Variants in RIN2 observed in about 807,000 individuals in gnomAD.
RIN2 encodes the protein Ras and Rab interactor 2.
RIN2 carries 36 observed loss-of-function variants against 78.0 expected under a neutral mutation model. The ratio of observed to expected loss-of-function variants is 0.46; its 90% CI spans 0.35 to 0.61. The LOEUF (loss-of-function observed/expected upper bound fraction) is 0.61. Among genes scored for constraint, RIN2 ranks in the 20% least tolerant of loss-of-function variants. The probability of loss-of-function intolerance (pLI) is 0.00; values close to 1 mark genes in which losing one functional copy is unlikely to be tolerated. For missense variants in RIN2, 1,087 were observed against 1,159.7 expected (o/e 0.94, Z 0.91); for synonymous variants, 466 against 466.8 (o/e 1.00, Z 0.02).
At chr20:19,896,006 G>A (rs1180125786) in intron 3 of RIN2, 1 of 152,088 alleles carries the variant, frequency 6.6e-6, no homozygotes, top group Non-Finnish European at 1.5e-5. Context: ...GCACATCTCA[G>A]GCCTCAGGGA....
At chr20:19,803,858 C>T (rs2035322941) in intron 2 of RIN2, among the ~76,000 whole-genome samples, 1 of 152,176 alleles carries the variant, frequency 6.6e-6, no homozygotes, top group Non-Finnish European at 1.5e-5. Context: ...TTGTTTGAGT[C>T]ATCTCTGATT....
At chr20:19,930,481 T>C (rs976025158) in intron 3 of RIN2, among the ~76,000 whole-genome samples, 12 of 152,178 alleles carry the variant, frequency 7.9e-5, no homozygotes, top group Non-Finnish European at 1.5e-4. Flanking sequence ...CCCATTCTGA[T>C]GAGAATCAAG....
intron 5 of RIN2, among the ~76,000 whole-genome samples, chr20:19,959,956 CT>C (rs2041683852): frequency 6.6e-6 from 1 of 152,172 alleles, no homozygotes; most frequent in African/African-American, 2.4e-5. Flanking sequence ...AGGAATTGAA[CT>C]GTTTTAAAGC....
At chr20:19,871,951 A>G (rs2037703198) in intron 2 of RIN2, 1 of 152,140 alleles carries the variant, frequency 6.6e-6, no homozygotes, top group South Asian at 2.1e-4. Context: ...GCTCAGGGAA[A>G]AGCCCATGAA....
In RIN2 at chr20:19,974,965, C is replaced by A; in HGVS notation, c.940C>A (p.Pro314Thr). 1.2e-6 allele frequency: 2 copies of A among 1,612,964 alleles called. No homozygotes were observed. The highest frequency in any genetic ancestry group is 1.7e-6 in the Non-Finnish European group (2 of 1,179,670). The change falls in exon 9 of 13, where the codon CCC becomes ACC. Residue 314 changes from proline (P) to threonine (T), a missense_variant. Pro to Thr is a conservative substitution (Grantham distance 38). Transcript: ENST00000255006. ...TRSPPPRPPP[P>T]AINSLHTSPR... ...GTCCCCCCCACCCAGGCCCCCGCCA[C>A]CCGCTATTAATAGTCTCCACACAAG...
intron 11 of RIN2, among the ~76,000 whole-genome samples, chr20:19,993,456 A>G (rs2042859150): frequency 6.6e-6 from 1 of 151,760 alleles, no homozygotes; most frequent in African/African-American, 2.4e-5. Flanking sequence ...CCAGGCCTTA[A>G]CTTTTCCTGT....
chr20:19,780,854 A>C (rs752405644), intron 1 of RIN2, among the ~76,000 whole-genome samples: 1 of 152,234 alleles, frequency 6.6e-6, no homozygotes, highest in Non-Finnish European at 1.5e-5. Flanking sequence ...TTTAACTGGC[A>C]TGGGGTGTGC....
At chr20:19,796,849 C>G (rs1016004599) in intron 1 of RIN2, among the ~76,000 whole-genome samples, 4 of 152,152 alleles carry the variant, frequency 2.6e-5, no homozygotes, top group Non-Finnish European at 5.9e-5. Flanking sequence ...ATTTAATTTG[C>G]CTTGGGGCCA....
rs1474005589 is a variant in RIN2 at position 19,895,804 on chromosome 20, G to A, written c.57+6146G>A. On this transcript the variant is annotated intron_variant, in intron 3 of 12. Transcript: ENST00000255006. ...CTGACACCACAAAGACTAGACCTGC[G>A]ACTAGCTTTGAAGAAACTACATTGC... 8 of 152,208 alleles carry A rather than the reference G, an allele frequency of 5.3e-5. No homozygotes were observed. In the East Asian group the frequency reaches 7.7e-4, roughly 15 times the overall value. The allele number at this position is 152,208 out of a possible 1,614,324, so 9.4% of individuals were successfully genotyped here. A position where few individuals can be genotyped will look rare whatever the true frequency, so the allele number is the denominator to read the frequency against.
chr20:19,800,472 A>G (rs2035205818), intron 2 of RIN2, among the ~76,000 whole-genome samples: 1 of 152,220 alleles, frequency 6.6e-6, no homozygotes, highest in Admixed American at 6.5e-5. Context: ...ATGTCGAGTG[A>G]CATCAAAGTC....
chr20:19,841,540 A>T (rs527457824), intron 2 of RIN2, among the ~76,000 whole-genome samples: 12 of 152,260 alleles, frequency 7.9e-5, no homozygotes, highest in Admixed American at 5.2e-4. Context: ...TTGGGGGATG[A>T]TCCAGGCATC....
chr20:19,970,410 C>G (rs747032931), intron 7 of RIN2, among the ~76,000 whole-genome samples: 12 of 152,236 alleles, frequency 7.9e-5, no homozygotes, highest in Non-Finnish European at 1.0e-4. Context: ...GTGTGCAAGG[C>G]AATGGGCTAA....
At chr20:19,940,230 G>T (rs1344720481) in intron 4 of RIN2, among the ~76,000 whole-genome samples, 2 of 152,170 alleles carry the variant, frequency 1.3e-5, no homozygotes, top group Non-Finnish European at 2.9e-5. Flanking sequence ...TTCACCCTGG[G>T]ATTGCAGTGC....
intron 2 of RIN2, among the ~76,000 whole-genome samples, chr20:19,862,187 T>C (rs898412699): frequency 2.0e-5 from 3 of 152,218 alleles, no homozygotes; most frequent in Non-Finnish European, 4.4e-5. Flanking sequence ...ATATGATACA[T>C]AAACAGTTAT....
intron 4 of RIN2, among the ~76,000 whole-genome samples, chr20:19,952,809 A>T (rs912934152): frequency 3.3e-5 from 5 of 152,230 alleles, no homozygotes; most frequent in African/African-American, 1.2e-4. Context: ...GTCGCCAAGA[A>T]TTCTTTTAGT....
rs199574 is a variant in RIN2, at chr20:19,972,465, G to A, written c.628+1536G>A. On this transcript the variant is annotated intron_variant, in intron 8 of 12. Transcript: ENST00000255006. ...GTGGCTACTAACCAGAAGCGACTGA[G>A]GGCTAATTAACATATATTCGACTTG... Among the ~76,000 whole-genome samples the A allele has an allele frequency of 8.1e-3, 1,227 of 152,268 alleles. 12 individuals carry two copies. The highest frequency in any genetic ancestry group is 0.028 in the African/African-American group (1,171 of 41,544).
At chr20:19,886,649 A>G in intron 2 of RIN2, 1 of 858,708 alleles carries the variant, frequency 1.2e-6, no homozygotes, top group Non-Finnish European at 1.7e-6. Context: ...TTTAGCTAGT[A>G]TCTGGAAACA....
intron 2 of RIN2, among the ~76,000 whole-genome samples, chr20:19,810,683 CTTTTTTTTTTTT>C (rs535994979): frequency 1.9e-4 from 19 of 99,652 alleles, no homozygotes; most frequent in East Asian, 6.1e-4. Context: ...TTATAAGGTA[CTTTTTTTTTTTT>C]TTTTTTTTTT....
At position 19,902,975 on chromosome 20, in the gene RIN2, C is replaced by T. The variant is rs1452098616; in HGVS notation, c.57+13317C>T. ...GGGCATGGTGGCGGGCCCCTGTAGT[C>T]CCAGCTACTCGGGAGGCTGAGGCAG... On this transcript the variant is annotated intron_variant, in intron 3 of 12. Transcript: ENST00000255006. Among the ~76,000 whole-genome samples the T allele has an allele frequency of 2.0e-5, 3 of 152,170 alleles. No individual in the cohort carries two copies. In the East Asian group the frequency reaches 5.8e-4, roughly 29 times the overall value.
Sources: allele counts gnomAD v4.1 joint callset (sites outside exome capture counted in the v4.1 genomes callset), GRCh38; gene constraint gnomAD v4.1.1; transcripts MANE v1.5; gene names NCBI Gene and HGNC (gene_info 2026-07-23, HGNC 2026-07-21).